The following RSRC1 variants were observed in gnomAD, a reference collection of about 807,000 sequenced individuals.
RSRC1 encodes the protein arginine and serine rich coiled-coil 1, also known as serine/Arginine-related protein 53.
RSRC1 carries 39 observed loss-of-function variants against 49.1 expected under a neutral mutation model. The observed-to-expected ratio is 0.79, with a 90% confidence interval of 0.61 to 1.04. The LOEUF is 1.04. Ranked by LOEUF, RSRC1 falls within the 50% of genes least tolerant of loss-of-function variation. The pLI, the probability that RSRC1 is intolerant of heterozygous loss-of-function variation, is 0.00. For missense variants in RSRC1, 388 were observed against 402.4 expected (o/e 0.96, Z 0.31); for synonymous variants, 143 against 130.8 (o/e 1.09, Z -0.63).
At chr3:158,357,382 T>C (rs1731214794) in intron 6 of RSRC1, among the ~76,000 whole-genome samples, 1 of 152,214 alleles carries the variant, frequency 6.6e-6, no homozygotes, top group African/African-American at 2.4e-5. Flanking sequence ...TTATAAAGCT[T>C]TGTGCTACTT....
chr3:158,508,526 T>C (rs1452645961), intron 7 of RSRC1, among the ~76,000 whole-genome samples: 1 of 152,120 alleles, frequency 6.6e-6, no homozygotes, highest in Admixed American at 6.5e-5. Flanking sequence ...AATGCATATG[T>C]AGTCGCCCCC....
chr3:158,516,145 C>G (rs1740514717), intron 7 of RSRC1, among the ~76,000 whole-genome samples: 2 of 152,190 alleles, frequency 1.3e-5, no homozygotes, highest in South Asian at 4.1e-4. Context: ...TGGTGAGGAA[C>G]TGCGTTCCTT....
At chr3:158,474,418 T>A (rs1738280476) in intron 7 of RSRC1, among the ~76,000 whole-genome samples, 1 of 152,132 alleles carries the variant, frequency 6.6e-6, no homozygotes, top group Admixed American at 6.6e-5. Context: ...GTTGCAGTAT[T>A]TTTGTTGGTG....
chr3:158,451,393 A>G (rs1293357222), intron 6 of RSRC1, among the ~76,000 whole-genome samples: 2 of 152,038 alleles, frequency 1.3e-5, no homozygotes, highest in African/African-American at 4.8e-5. Flanking sequence ...CACAAACAGC[A>G]GCTATGTTAA....
chr3:158,428,574 A>C (rs1193456202), intron 6 of RSRC1, among the ~76,000 whole-genome samples: 1 of 151,900 alleles, frequency 6.6e-6, no homozygotes, highest in African/African-American at 2.4e-5. Context: ...CAGTTAATAC[A>C]TGTAAAATGT....
At chr3:158,206,643 G>C (rs1026762061) in intron 4 of RSRC1, among the ~76,000 whole-genome samples, 2 of 152,188 alleles carry the variant, frequency 1.3e-5, no homozygotes, top group Non-Finnish European at 2.9e-5. Context: ...GCCAGGCATG[G>C]TGGCTCACGC....
At chr3:158,511,879 G>A (rs78478086) in intron 7 of RSRC1, among the ~76,000 whole-genome samples, 13,278 of 152,048 alleles carry the variant, frequency 0.087, 716 homozygotes, top group Middle Eastern at 0.14. Context: ...GCCAGTGATG[G>A]TGAGCATTTT....
chr3:158,331,504 AT>A (rs1306379345), intron 5 of RSRC1, among the ~76,000 whole-genome samples: 3 of 152,114 alleles, frequency 2.0e-5, no homozygotes, highest in Non-Finnish European at 2.9e-5. Flanking sequence ...TTTATATAAA[AT>A]TGAATATTTT....
chr3:158,433,679 A>G (rs1172649140), intron 6 of RSRC1, among the ~76,000 whole-genome samples: 1 of 151,960 alleles, frequency 6.6e-6, no homozygotes, highest in Non-Finnish European at 1.5e-5. Flanking sequence ...GCCCAGATTG[A>G]ATAATAATGG....
At chr3:158,198,978 C>T (rs1445233937) in intron 3 of RSRC1, among the ~76,000 whole-genome samples, 1 of 152,160 alleles carries the variant, frequency 6.6e-6, no homozygotes, top group Non-Finnish European at 1.5e-5. Flanking sequence ...TGGTTTGGCT[C>T]TGTGTCCCCA....
intron 6 of RSRC1, among the ~76,000 whole-genome samples, chr3:158,453,665 C>G (rs12636560): frequency 0.53 from 79,819 of 151,526 alleles, 21,612 homozygotes; most frequent in African/African-American, 0.64. Flanking sequence ...CACCACACCT[C>G]ACCAGCGTTT....
At position 158,436,954 on chromosome 3, in the gene RSRC1, A is replaced by G. The variant is rs554093655; in HGVS notation, c.584-23981A>G. ...CTCATAGCTAGTAATGGATAGAGCC[A>G]GGATTCAAACCGAGACAGTCTGGCT... On this transcript the variant is annotated intron_variant, in intron 6 of 9. Coordinates refer to ENST00000611884, the MANE Select transcript of RSRC1 (RefSeq NM_001271838.2). Among the ~76,000 whole-genome samples the G allele has an allele frequency of 3.3e-5, 5 of 152,138 alleles. 1 individual carries two copies. The highest frequency in any genetic ancestry group is 2.6e-4 in the Admixed American group (4 of 15,242).
intron 3 of RSRC1, among the ~76,000 whole-genome samples, chr3:158,163,473 G>A (rs753576708): frequency 4.6e-5 from 7 of 152,116 alleles, no homozygotes; most frequent in Non-Finnish European, 1.0e-4. Context: ...TTGAAATTTA[G>A]AAGATAGGTA....
At chr3:158,433,868 AT>A (rs1225521825) in intron 6 of RSRC1, among the ~76,000 whole-genome samples, 1 of 151,980 alleles carries the variant, frequency 6.6e-6, no homozygotes, top group Non-Finnish European at 1.5e-5. Context: ...GATTATTCAA[AT>A]TTTAATCTTT....
intron 3 of RSRC1, among the ~76,000 whole-genome samples, chr3:158,183,914 A>T (rs1719776743): frequency 6.6e-6 from 1 of 152,136 alleles, no homozygotes; most frequent in Non-Finnish European, 1.5e-5. Context: ...CTCTAAAAAG[A>T]TAAAAAAGAT....
chr3:158,394,682 TC>T (rs1733512970), intron 6 of RSRC1, among the ~76,000 whole-genome samples: 13 of 151,830 alleles, frequency 8.6e-5, no homozygotes, highest in Admixed American at 8.5e-4. Context: ...CTAAAAGAAA[TC>T]AGAGATGACA....
chr3:158,349,115 T>C (rs947979350), intron 5 of RSRC1, among the ~76,000 whole-genome samples: 3 of 152,084 alleles, frequency 2.0e-5, no homozygotes, highest in Admixed American at 6.6e-5. Context: ...TGAATGGTGG[T>C]TCTATTTTTA....
chr3:158,179,977 G>A (rs991009921), intron 3 of RSRC1, among the ~76,000 whole-genome samples: 1 of 152,078 alleles, frequency 6.6e-6, no homozygotes, highest in Non-Finnish European at 1.5e-5. Context: ...TTCTCTAATG[G>A]TTAATGATGC....
Position 158,251,616 on chromosome 3 carries a change from T to A in RSRC1, c.495-46423T>A, listed in dbSNP as rs1390874731. On this transcript the variant is annotated intron_variant, in intron 4 of 9. Transcript: ENST00000611884. ...TACTTTCTTGATTTCTTTTTCAGAA[T>A]GTTCACTTTTGGCATGTAGAAATGC... Among the ~76,000 whole-genome samples the A allele has an allele frequency of 3.3e-5, 5 of 152,358 alleles. No homozygotes were observed. In the East Asian group the frequency reaches 5.8e-4, roughly 18 times the overall value.
Sources: gnomAD v4.1 joint callset for allele counts (sites outside exome capture counted in the v4.1 genomes callset) on GRCh38, gnomAD v4.1.1 for gene constraint, MANE v1.5 for transcripts, NCBI Gene and HGNC (gene_info 2026-07-23, HGNC 2026-07-21) for gene names.